Variants in SPOP observed in about 807,000 individuals in gnomAD.
SPOP encodes speckle type BTB/POZ protein.
Under a neutral mutation model 45.6 loss-of-function variants are expected in SPOP, and 11 were observed. The observed-to-expected ratio is 0.24, with a 90% CI of 0.15 to 0.40. The LOEUF is 0.40. SPOP is among the 10% of genes least tolerant of loss of function. SPOP has a pLI of 1.00. For synonymous variants in SPOP, 166 were observed against 166.3 expected (o/e 1.00, Z 0.01); for missense variants, 152 against 465.6 (o/e 0.33, Z 6.20).
chr17:49,675,132 C>A (rs756237621), intron 1 of SPOP, among the ~76,000 whole-genome samples: 1 of 152,142 alleles, frequency 6.6e-6, no homozygotes, highest in Non-Finnish European at 1.5e-5. Context: ...ATCCATTGAT[C>A]CAGCGCTTCC....
At chr17:49,620,177 G>C (rs775859500) in intron 3 of SPOP, among the ~76,000 whole-genome samples, 3 of 147,088 alleles carry the variant, frequency 2.0e-5, no homozygotes, top group Non-Finnish European at 4.5e-5. Context: ...TCTCAAAAAA[G>C]AAAAAGAAAA....
intron 1 of SPOP, among the ~76,000 whole-genome samples, chr17:49,648,493 T>C (rs2072792995): frequency 6.6e-6 from 1 of 152,242 alleles, no homozygotes; most frequent in Admixed American, 6.5e-5. Context: ...TTCACATTGC[T>C]TCTTGTTACT....
chr17:49,622,579 G>C (rs2072241571), intron 2 of SPOP, 154 bp downstream of exon 2: 1 of 656,150 alleles, frequency 1.5e-6, no homozygotes, highest in East Asian at 2.8e-5. Context: ...GGAAAACTAA[G>C]GAACCTGAGG....
chr17:49,663,591 T>G (rs2073016137), intron 1 of SPOP, among the ~76,000 whole-genome samples: 1 of 151,782 alleles, frequency 6.6e-6, no homozygotes, highest in Non-Finnish European at 1.5e-5. Context: ...TTAAATAGTC[T>G]GTAAAAAAAC....
chr17:49,647,793 A>C (rs2072784547), intron 1 of SPOP, among the ~76,000 whole-genome samples: 1 of 152,066 alleles, frequency 6.6e-6, no homozygotes, highest in Non-Finnish European at 1.5e-5. Context: ...CCTATGTTGT[A>C]ATTATTTTAG....
At chr17:49,606,708 T>C (rs1237045177) in intron 8 of SPOP, among the ~76,000 whole-genome samples, 2 of 151,970 alleles carry the variant, frequency 1.3e-5, no homozygotes, top group East Asian at 1.9e-4. Flanking sequence ...TTGCCCAGGC[T>C]GGTCTCAAAC....
intron 1 of SPOP, among the ~76,000 whole-genome samples, chr17:49,644,455 AGAG>A (rs906818532): frequency 6.6e-6 from 1 of 152,220 alleles, no homozygotes; most frequent in Non-Finnish European, 1.5e-5. Context: ...AAACAAAAGA[AGAG>A]GAGAAGGAAG....
intron 1 of SPOP, among the ~76,000 whole-genome samples, chr17:49,638,307 C>T (rs1567789176): frequency 6.6e-6 from 1 of 151,950 alleles, no homozygotes; most frequent in Non-Finnish European, 1.5e-5. Flanking sequence ...AATAGAATCT[C>T]GGCTGGGCAC....
chr17:49,622,961 A>T, intron 1 of SPOP, 85 bp from the exon 2 acceptor site: 1 of 634,928 alleles, frequency 1.6e-6, no homozygotes, highest in South Asian at 2.1e-5. Flanking sequence ...GAGGCTGGAA[A>T]TTTTGTCTCC....
intron 1 of SPOP, among the ~76,000 whole-genome samples, chr17:49,638,445 T>C (rs1218475583): frequency 6.6e-6 from 1 of 151,934 alleles, no homozygotes; most frequent in Non-Finnish European, 1.5e-5. Flanking sequence ...AAAAATTAAC[T>C]GGGCATGGTG....
intron 1 of SPOP, among the ~76,000 whole-genome samples, chr17:49,638,627 A>C (rs910875946): frequency 2.6e-5 from 4 of 152,246 alleles, no homozygotes; most frequent in South Asian, 2.1e-4. Context: ...GTAAGCACCA[A>C]CTTTAACTAG....
chr17:49,638,418 G>A (rs551791165), intron 1 of SPOP, among the ~76,000 whole-genome samples: 63 of 151,938 alleles, frequency 4.1e-4, no homozygotes, highest in Non-Finnish European at 7.8e-4. Flanking sequence ...GTGAAACCCC[G>A]TCTCTACTAA....
At position 49,662,729 on chromosome 17, in the gene SPOP, C is replaced by T. The variant is rs1311887404; in HGVS notation, c.-67+15204G>A. On this transcript the variant is annotated intron_variant, in intron 1 of 9. Transcript: ENST00000504102. The stretch of plus-strand genomic sequence containing the variant: ...AATGATAATTCCTAGAAAAACATTT[C>T]TGTTCAAAAGAAATTTGAAACTTTT... Among the ~76,000 whole-genome samples the T allele has an allele frequency of 2.0e-5, 3 of 151,872 alleles. No homozygotes were observed. The East Asian group carries it at 5.8e-4, about 29-fold the overall frequency.
chr17:49,621,547 C>G (rs778982367), intron 3 of SPOP, among the ~76,000 whole-genome samples: 3 of 152,160 alleles, frequency 2.0e-5, no homozygotes, highest in Admixed American at 1.3e-4. Flanking sequence ...CTTGAAAAAT[C>G]AGAAAATCTG....
intron 1 of SPOP, among the ~76,000 whole-genome samples, chr17:49,623,589 A>G (rs1032512977): frequency 6.6e-6 from 1 of 152,178 alleles, no homozygotes; most frequent in Non-Finnish European, 1.5e-5. Context: ...AGTTTGCTTC[A>G]TCTTCTCCTA....
At chr17:49,608,302 T>C (rs76377723) in intron 6 of SPOP, among the ~76,000 whole-genome samples, 2,194 of 152,248 alleles carry the variant, frequency 0.014, 34 homozygotes, top group Non-Finnish European at 0.019. Flanking sequence ...ATGTTTTTGT[T>C]GGAACTGACA....
chr17:49,642,025 CAAA>C (rs991304404), intron 1 of SPOP, among the ~76,000 whole-genome samples: 1 of 134,218 alleles, frequency 7.5e-6, no homozygotes. Context: ...GACTCCGCCT[CAAA>C]AAAAAAAAAG....
At chr17:49,644,420 A>G (rs1011902568) in intron 1 of SPOP, among the ~76,000 whole-genome samples, 3 of 152,202 alleles carry the variant, frequency 2.0e-5, no homozygotes, top group African/African-American at 7.2e-5. Context: ...ATAATGAGGT[A>G]GTTTAGGACA....
intron 9 of SPOP, chr17:49,601,325 T>C (rs1032542216): frequency 2.0e-5 from 3 of 152,336 alleles, no homozygotes; most frequent in Non-Finnish European, 4.4e-5. Context: ...TTCATATTAT[T>C]ATTCTTATTA....
Sources: allele counts gnomAD v4.1 joint callset (sites outside exome capture counted in the v4.1 genomes callset), GRCh38; gene constraint gnomAD v4.1.1; transcripts MANE v1.5; gene names NCBI Gene and HGNC (gene_info 2026-07-23, HGNC 2026-07-21).